Variants in NRDE2 observed in about 807,000 individuals in gnomAD.
NRDE2 encodes nuclear exosome regulator NRDE2.
In NRDE2, 76 loss-of-function variants were observed where a neutral mutation model predicts 124.2. The observed-to-expected ratio is 0.61, with a 90% CI of 0.51 to 0.74. The LOEUF is 0.74. Ranked by LOEUF, NRDE2 falls within the 30% of genes least tolerant of loss-of-function variation. The probability of loss-of-function intolerance (pLI) is 0.00; values close to 1 mark genes in which losing one functional copy is unlikely to be tolerated. For synonymous variants in NRDE2, 489 were observed against 528.1 expected, an observed-to-expected ratio of 0.93 and a Z score of 1.01; for missense variants, 1,314 against 1,417.3, an observed-to-expected ratio of 0.93 and a Z score of 1.17.
At position 90,278,193 on chromosome 14, in the gene NRDE2, G is replaced by T. The variant is rs985695414; in HGVS notation, c.*143C>A. The T allele has an allele frequency of 1.1e-6, 1 of 919,572 alleles. No individual in the cohort carries two copies. Among genetic ancestry groups the T allele is most frequent in the Admixed American group, 2.6e-5 (1 of 39,182 alleles). The allele number at this position is 919,572 out of a possible 1,614,324, so 57.0% of individuals were successfully genotyped here. ...CCAAAAAGTGTGCAAGATGTGAGAG[G>T]CTGGCAGCCCACATTATTACTATCG... On this transcript the variant is annotated 3_prime_UTR_variant, in exon 14 of 14. Transcript: ENST00000354366.
intron 1 of NRDE2, among the ~76,000 whole-genome samples, chr14:90,330,096 A>C (rs1885614137): frequency 6.6e-6 from 1 of 150,914 alleles, no homozygotes; most frequent in South Asian, 2.1e-4. Context: ...AGTCCCAGCT[A>C]CTCGGGAGGC....
Position 90,274,321 on chromosome 14 carries a change from G to C in NRDE2, c.*4015C>G, listed in dbSNP as rs986410970. 2.6e-5 allele frequency: 4 copies of C among 155,910 alleles called. No individual in the cohort carries two copies. Among genetic ancestry groups the C allele is most frequent in the African/African-American group, 9.6e-5 (4 of 41,514 alleles). The allele number at this position is 155,910 out of a possible 1,614,324, so 9.7% of individuals were successfully genotyped here. Reference sequence around the variant, plus strand: ...TGATGTGCAGTATGAGAGCCCAAGTGGGTGAGGAAGGCATCTGCAGGGACG... The same window carrying C: ...TGATGTGCAGTATGAGAGCCCAAGTCGGTGAGGAAGGCATCTGCAGGGACG... On this transcript the variant is annotated 3_prime_UTR_variant, in exon 14 of 14. Transcript: ENST00000354366.
Position 90,278,004 on chromosome 14 carries a change from C to A in NRDE2, c.*332G>T, listed in dbSNP as rs1029789432. The A allele has an allele frequency of 2.4e-5, 5 of 207,594 alleles. No individual in the cohort carries two copies. Among genetic ancestry groups the A allele is most frequent in the Non-Finnish European group, 5.0e-5 (5 of 99,912 alleles). 12.9% of individuals were successfully genotyped at this position (207,594 alleles called of 1,614,324 possible). A position where few individuals can be genotyped will look rare whatever the true frequency, so the allele number is the denominator to read the frequency against. On this transcript the variant is annotated 3_prime_UTR_variant, in exon 14 of 14. Transcript: ENST00000354366. ...CAGCGGAGGGAACACATTCACCGTG[C>A]GGGGGCCAGTGCTGGCTGCGCACAG... is the stretch of plus-strand genomic sequence containing the variant.
In NRDE2 at chr14:90,286,375, C is replaced by T. The variant is rs1310770953; in HGVS notation, c.3276G>A (p.Trp1092Ter). The change falls in exon 12 of 14, where the codon TGG becomes TGA. Residue 1092 changes from tryptophan to a stop codon, truncating the protein, a stop_gained. Transcript: ENST00000354366. LOFTEE classifies it high-confidence loss of function. ...SDSGSQCPLL[W>*]RMYLNFLVSL... is the part of the protein sequence containing the mutation. ...TTACCAGAAAGTTCAAATACATCCT[C>T]CACAGCAAGGGGCACTGGCTGCCAC... The T allele has an allele frequency of 1.2e-6, 2 of 1,613,860 alleles. No individual in the cohort carries two copies. The highest frequency in any genetic ancestry group is 1.7e-6 in the Non-Finnish European group (2 of 1,179,918).
intron 4 of NRDE2, among the ~76,000 whole-genome samples, chr14:90,311,468 G>C (rs1402876043): frequency 6.6e-6 from 1 of 152,068 alleles, no homozygotes; most frequent in Non-Finnish European, 1.5e-5. Context: ...TGAGTGTCAC[G>C]AGATCTGATG....
rs1892235990 is a variant in NRDE2 at position 90,290,293 on chromosome 14, A to G, written c.2157T>C (p.Leu719=). The G allele has an allele frequency of 3.1e-6, 5 of 1,613,972 alleles. No homozygotes were observed. The African/African-American group carries it at 4.0e-5, about 13-fold the overall frequency. ...GEEFIRNVFH[L]VMPLFSGKEK... is the part of the protein sequence containing the mutation. ...CTTTGCCTGAAAATAAAGGCATGAC[A>G]AGGTGGAAGACATTGCGGATGAACT... Residue 719 remains leucine (L), a synonymous_variant, in exon 10 of 14, where the codon CTT becomes CTC. Transcript: ENST00000354366.
Position 90,268,280 on chromosome 14 carries a change from G to A in NRDE2, c.*10056C>T. The stretch of plus-strand genomic sequence containing the variant: ...CCAAACCTCAGCCACTTTCTTGAGA[G>A]TGGTTGGCTCTGAACTTATTCAGAA... On this transcript the variant is annotated 3_prime_UTR_variant, in exon 14 of 14. Transcript: ENST00000354366. The A allele has an allele frequency of 6.2e-7, 1 of 1,610,970 alleles. No individual in the cohort carries two copies. Among genetic ancestry groups the A allele is most frequent in the Non-Finnish European group, 8.5e-7 (1 of 1,178,334 alleles).
intron 3 of NRDE2, 58 bp from the exon 4 acceptor site, chr14:90,312,601 G>T: frequency 1.3e-6 from 2 of 1,576,138 alleles, no homozygotes; most frequent in Non-Finnish European, 8.7e-7. Context: ...TTCCAGTGAC[G>T]CAGGTGGCAT....
At chr14:90,323,974 T>C (rs1238828767) in intron 1 of NRDE2, among the ~76,000 whole-genome samples, 3 of 152,044 alleles carry the variant, frequency 2.0e-5, no homozygotes, top group Non-Finnish European at 4.4e-5. Flanking sequence ...ACTACCCTCA[T>C]GGAGCTGCCC....
chr14:90,314,890 C>T (rs918010290), intron 3 of NRDE2, among the ~76,000 whole-genome samples: 11 of 151,772 alleles, frequency 7.2e-5, no homozygotes, highest in Non-Finnish European at 1.5e-5. Flanking sequence ...AGCTTGGGGG[C>T]TGGGTGCGGT....
Position 90,290,440 on chromosome 14 carries a change from TC to T in NRDE2, c.2009del (p.Gly670AspfsTer8). The T allele has an allele frequency of 1.2e-6, 2 of 1,613,876 alleles. No homozygotes were observed. Among genetic ancestry groups the T allele is most frequent in the Non-Finnish European group, 8.5e-7 (1 of 1,179,992 alleles). On this transcript the variant is annotated frameshift_variant, in exon 10 of 14. Coordinates refer to ENST00000354366, the MANE Select transcript of NRDE2 (RefSeq NM_017970.4). LOFTEE classifies it high-confidence loss of function. ...AAGTCAAGGGCTTTTCATCATAAAGTCCATTATCAAAGATGCTGTTCTCATC... is the reference window on the plus strand; with the variant it reads ...AAGTCAAGGGCTTTTCATCATAAAGTCATTATCAAAGATGCTGTTCTCATC... ...AMDENSIFDNGLYDEKPLTFF... is the reference protein window; with the variant it reads ...AMDENSIFDNXLYDEKPLTFF...
chr14:90,269,678 A>G lies in NRDE2; in HGVS notation c.*8658T>C. On this transcript the variant is annotated 3_prime_UTR_variant, in exon 14 of 14. Transcript: ENST00000354366. ...GCAGTGAAACTTAGGATAATTTACA[A>G]AAAAATAGGTCCTCTTGAGATGAGG... 3 of 1,010,504 alleles carry G rather than the reference A, an allele frequency of 3.0e-6. No individual in the cohort carries two copies. The highest frequency in any genetic ancestry group is 3.4e-5 in the South Asian group (2 of 59,516). The allele number at this position is 1,010,504 out of a possible 1,614,324, so 62.6% of individuals were successfully genotyped here. A position where few individuals can be genotyped will look rare whatever the true frequency, so the allele number is the denominator to read the frequency against.
At chr14:90,297,419 C>T (rs1884213971) in intron 8 of NRDE2, among the ~76,000 whole-genome samples, 1 of 151,644 alleles carries the variant, frequency 6.6e-6, no homozygotes, top group Non-Finnish European at 1.5e-5. Context: ...AATGTGGCCA[C>T]TAGAAAATTT....
In NRDE2 at chr14:90,269,000, A is replaced by G. The variant is rs1318803823; in HGVS notation, c.*9336T>C. On this transcript the variant is annotated 3_prime_UTR_variant, in exon 14 of 14. Coordinates refer to ENST00000354366, the MANE Select transcript of NRDE2 (RefSeq NM_017970.4). ...TGGCACCTATTCTGCAGAGGAGACA[A>G]ATGCTCAGGGGACAAACAAAAGAGC... 2 of 164,066 alleles carry G rather than the reference A, an allele frequency of 1.2e-5. No homozygotes were observed. Among genetic ancestry groups the G allele is most frequent in the Non-Finnish European group, 1.3e-5 (1 of 75,966 alleles). The allele number at this position is 164,066 out of a possible 1,614,324, so 10.2% of individuals were successfully genotyped here.
At chr14:90,295,036 C>T (rs1210231051) in intron 8 of NRDE2, among the ~76,000 whole-genome samples, 1 of 152,106 alleles carries the variant, frequency 6.6e-6, no homozygotes, top group Non-Finnish European at 1.5e-5. Flanking sequence ...GTAGTGATTA[C>T]ACAAAGCTAC....
chr14:90,270,332 C>A lies in NRDE2; in HGVS notation c.*8004G>T. 1 of 1,613,162 alleles carries A rather than the reference C, an allele frequency of 6.2e-7. No homozygotes were observed. The highest frequency in any genetic ancestry group is 8.5e-7 in the Non-Finnish European group (1 of 1,179,782). On this transcript the variant is annotated 3_prime_UTR_variant, in exon 14 of 14. Transcript: ENST00000354366. ...CGACCTGATCATGGCTAAAGATGACCTCTCTGGTGCTGACATCAAGGTGAG... is the reference window on the plus strand; with the variant it reads ...CGACCTGATCATGGCTAAAGATGACATCTCTGGTGCTGACATCAAGGTGAG...
At chr14:90,305,704 C>T (rs1388965418) in intron 4 of NRDE2, among the ~76,000 whole-genome samples, 1 of 152,198 alleles carries the variant, frequency 6.6e-6, no homozygotes, top group African/African-American at 2.4e-5. Flanking sequence ...ATTCCACTTA[C>T]ATGCATTTTA....
chr14:90,283,795 T>G (rs900966993), intron 12 of NRDE2, among the ~76,000 whole-genome samples: 3 of 150,740 alleles, frequency 2.0e-5, no homozygotes, highest in Non-Finnish European at 4.4e-5. Context: ...CACTGCAGCC[T>G]CTGCCTCCTG....
intron 1 of NRDE2, among the ~76,000 whole-genome samples, chr14:90,318,591 G>A (rs925176209): frequency 2.6e-5 from 4 of 152,090 alleles, no homozygotes; most frequent in African/African-American, 9.7e-5. Flanking sequence ...CCTGAGGTCG[G>A]GAGTTTGACA....
Sources: gnomAD v4.1 joint callset for allele counts (sites outside exome capture counted in the v4.1 genomes callset) on GRCh38, gnomAD v4.1.1 for gene constraint, MANE v1.5 for transcripts, NCBI Gene and HGNC (gene_info 2026-07-23, HGNC 2026-07-21) for gene names.